Variants in PTPRT observed in about 807,000 individuals in gnomAD.
PTPRT encodes the protein protein tyrosine phosphatase receptor type T.
A neutral mutation model predicts 176.8 loss-of-function variants in PTPRT; 56 were observed. The ratio of observed to expected loss-of-function variants is 0.32; its 90% CI spans 0.26 to 0.40. The LOEUF (loss-of-function observed/expected upper bound fraction) is 0.40. Among genes scored for constraint, PTPRT ranks in the 10% least tolerant of loss-of-function variants. The probability of loss-of-function intolerance (pLI) is 1.00; values close to 1 mark genes in which losing one functional copy is unlikely to be tolerated. For missense variants in PTPRT, 1,540 were observed against 1,908.2 expected, an observed-to-expected ratio of 0.81 and a Z score of 3.60; for synonymous variants, 783 against 739.0, an observed-to-expected ratio of 1.06 and a Z score of -0.96.
rs147393275 is a variant in PTPRT at position 42,166,035 on chromosome 20, C to T, written c.2492-4493G>A. On this transcript the variant is annotated intron_variant, in intron 16 of 30. Transcript: ENST00000373187. ...TATATTTTTACATTCTTTATTCACA[C>T]AAAAGCTTTGAAATCCAACGTGTAT... 3.9e-3 allele frequency among the ~76,000 whole-genome samples: 589 copies of T among 152,268 alleles called. 10 individuals are homozygous for T. Among genetic ancestry groups the T allele is most frequent in the African/African-American group, 0.014 (568 of 41,554 alleles).
chr20:42,432,161 A>G (rs1349409692), intron 9 of PTPRT, among the ~76,000 whole-genome samples: 2 of 152,162 alleles, frequency 1.3e-5, no homozygotes. Context: ...CACCTTCCCC[A>G]TGTCTTCCTA....
At chr20:42,930,643 T>C (rs1212537997) in intron 1 of PTPRT, among the ~76,000 whole-genome samples, 1 of 151,828 alleles carries the variant, frequency 6.6e-6, no homozygotes, top group East Asian at 1.9e-4. Flanking sequence ...CCACCATGCC[T>C]GGCTTTTTTT....
intron 6 of PTPRT, among the ~76,000 whole-genome samples, chr20:42,696,344 G>T (rs560409816): frequency 1.4e-5 from 2 of 139,506 alleles, no homozygotes; most frequent in African/African-American, 2.6e-5. Context: ...CCTCTCTCCC[G>T]TTCTCCTTTC....
intron 1 of PTPRT, among the ~76,000 whole-genome samples, chr20:42,948,917 T>C (rs990694954): frequency 3.9e-5 from 6 of 152,162 alleles, no homozygotes; most frequent in Non-Finnish European, 7.3e-5. Context: ...CTCTGCCAAA[T>C]GGACAGGCTG....
At chr20:42,906,348 C>G (rs1275690844) in intron 1 of PTPRT, among the ~76,000 whole-genome samples, 1 of 152,182 alleles carries the variant, frequency 6.6e-6, no homozygotes, top group Non-Finnish European at 1.5e-5. Flanking sequence ...TGGCCCGGCT[C>G]CAGGGGGAAA....
chr20:43,037,343 G>A (rs903977557), intron 1 of PTPRT, among the ~76,000 whole-genome samples: 6 of 152,246 alleles, frequency 3.9e-5, no homozygotes, highest in Middle Eastern at 3.4e-3. Context: ...ATAAATAACC[G>A]TTATTCTAAA....
intron 1 of PTPRT, among the ~76,000 whole-genome samples, chr20:43,180,341 A>ATCTCTCTCTCTCTCTGTC (rs2015221268): frequency 8.7e-6 from 1 of 115,018 alleles, no homozygotes; most frequent in Non-Finnish European, 1.8e-5. Context: ...AAATGAATCA[A>ATCTCTCTCTCTCTCTGTC]TCTCTCTCTC....
At chr20:42,833,074 A>G (rs769632166) in intron 2 of PTPRT, among the ~76,000 whole-genome samples, 1 of 152,134 alleles carries the variant, frequency 6.6e-6, no homozygotes, top group Non-Finnish European at 1.5e-5. Context: ...TGGACAACAC[A>G]GTGAGACCCC....
At chr20:43,187,251 G>A (rs2015415862) in intron 1 of PTPRT, among the ~76,000 whole-genome samples, 1 of 152,050 alleles carries the variant, frequency 6.6e-6, no homozygotes, top group South Asian at 2.1e-4. Context: ...CAGATCAAAA[G>A]AACATGGAAA....
At chr20:43,057,292 GGGAGGGGGGAAGGAATGGAGGA>G (rs758566437) in intron 1 of PTPRT, among the ~76,000 whole-genome samples, 6,656 of 106,436 alleles carry the variant, frequency 0.063, 279 homozygotes, top group Middle Eastern at 0.12. Flanking sequence ...GGAAGGGGAG[GGGAGGGGGGAAGGAATGGAGGA>G]GGAGGGGGGA....
chr20:42,588,783 C>G (rs1449176091), intron 7 of PTPRT, among the ~76,000 whole-genome samples: 4 of 152,104 alleles, frequency 2.6e-5, no homozygotes, highest in Non-Finnish European at 5.9e-5. Flanking sequence ...AAAACAGAAA[C>G]AAGAGCAACA....
chr20:42,385,005 T>C (rs1481668372), intron 9 of PTPRT, among the ~76,000 whole-genome samples: 1 of 152,216 alleles, frequency 6.6e-6, no homozygotes, highest in Non-Finnish European at 1.5e-5. Flanking sequence ...AGGTATATGG[T>C]ATGCAAATAT....
chr20:43,100,332 G>A (rs1196770171), intron 1 of PTPRT, among the ~76,000 whole-genome samples: 1 of 152,060 alleles, frequency 6.6e-6, no homozygotes, highest in Non-Finnish European at 1.5e-5. Flanking sequence ...AGCTAAGATC[G>A]CGCCACTACA....
intron 8 of PTPRT, among the ~76,000 whole-genome samples, chr20:42,449,954 A>T (rs1416035049): frequency 6.6e-6 from 1 of 152,146 alleles, no homozygotes; most frequent in Admixed American, 6.5e-5. Flanking sequence ...GCCTATGCAT[A>T]TATATATTTT....
At chr20:42,783,057 T>G (rs1012728822) in intron 3 of PTPRT, among the ~76,000 whole-genome samples, 2 of 152,174 alleles carry the variant, frequency 1.3e-5, no homozygotes, top group Non-Finnish European at 1.5e-5. Flanking sequence ...TATGGCTCAG[T>G]TGCAAAAAAA....
At chr20:42,357,238 T>C (rs933112945) in intron 9 of PTPRT, among the ~76,000 whole-genome samples, 1 of 152,150 alleles carries the variant, frequency 6.6e-6, no homozygotes, top group Admixed American at 6.5e-5. Context: ...TATGGACTTA[T>C]GGCTACTCTC....
intron 1 of PTPRT, among the ~76,000 whole-genome samples, chr20:42,902,166 A>G (rs1303075421): frequency 6.6e-6 from 1 of 152,208 alleles, no homozygotes; most frequent in Non-Finnish European, 1.5e-5. Context: ...CTGGCTTTCT[A>G]AAAACCTCTT....
chr20:42,035,807 G>C, the PTPRT span, among the ~76,000 whole-genome samples: 1 of 152,154 alleles, frequency 6.6e-6, no homozygotes, highest in African/African-American at 2.4e-5. Context: ...TCCCAGAATG[G>C]GTTGTTTTTA....
chr20:42,493,230 G>A (rs1173539986), intron 7 of PTPRT, among the ~76,000 whole-genome samples: 1 of 152,116 alleles, frequency 6.6e-6, no homozygotes, highest in East Asian at 1.9e-4. Flanking sequence ...AATTAACCAT[G>A]GCATGCAGCC....
Sources: allele counts gnomAD v4.1 joint callset (sites outside exome capture counted in the v4.1 genomes callset), GRCh38; gene constraint gnomAD v4.1.1; transcripts MANE v1.5; gene names NCBI Gene and HGNC (gene_info 2026-07-23, HGNC 2026-07-21).